FAM107B: variants seen among roughly 807,000 people sequenced by gnomAD.
FAM107B encodes the protein family with sequence similarity 107 member B.
Under a neutral mutation model 31.5 loss-of-function variants are expected in FAM107B, and 21 were observed. The observed-to-expected ratio is 0.67, with a 90% CI of 0.47 to 0.96. FAM107B has a LOEUF of 0.96. FAM107B is among the 40% of genes least tolerant of loss of function. The pLI, the probability that FAM107B is intolerant of heterozygous loss-of-function variation, is 0.00. For missense variants in FAM107B, 452 were observed against 377.1 expected, an observed-to-expected ratio of 1.20 and a Z score of -1.64; for synonymous variants, 157 against 141.5, an observed-to-expected ratio of 1.11 and a Z score of -0.78.
At chr10:14,649,085 C>T (rs1442334464) in intron 2 of FAM107B, among the ~76,000 whole-genome samples, 3 of 152,206 alleles carry the variant, frequency 2.0e-5, no homozygotes, top group Non-Finnish European at 4.4e-5. Context: ...CTAAAATAAG[C>T]ACACCAGTTC....
At chr10:14,604,243 G>C (rs1373959694) in intron 2 of FAM107B, 3 of 979,542 alleles carry the variant, frequency 3.1e-6, no homozygotes, top group Non-Finnish European at 3.6e-6. Flanking sequence ...AACCTACCTC[G>C]GCGCGCGCAC....
At chr10:14,568,507 G>C (rs1309331688) in intron 2 of FAM107B, among the ~76,000 whole-genome samples, 1 of 150,330 alleles carries the variant, frequency 6.7e-6, no homozygotes, top group Non-Finnish European at 1.5e-5. Context: ...ACTCAGGTAA[G>C]AGGAGGCTGG....
At chr10:14,563,006 G>C (rs1444964571) in intron 2 of FAM107B, among the ~76,000 whole-genome samples, 1 of 152,174 alleles carries the variant, frequency 6.6e-6, no homozygotes, top group Non-Finnish European at 1.5e-5. Context: ...AACTTTTCTT[G>C]AACAAGTCAA....
chr10:14,523,519 C>G (rs749677020), intron 3 of FAM107B, among the ~76,000 whole-genome samples: 3 of 152,246 alleles, frequency 2.0e-5, no homozygotes, highest in Non-Finnish European at 2.9e-5. Flanking sequence ...ACCTCCCACA[C>G]ACCTCCTGGT....
intron 3 of FAM107B, among the ~76,000 whole-genome samples, chr10:14,526,717 T>C (rs1005624065): frequency 6.6e-6 from 1 of 152,210 alleles, no homozygotes; most frequent in African/African-American, 2.4e-5. Flanking sequence ...AGCCACTGAC[T>C]TCAAAATATA....
intron 1 of FAM107B, among the ~76,000 whole-genome samples, chr10:14,763,831 G>T (rs1833107387): frequency 6.6e-6 from 1 of 152,198 alleles, no homozygotes; most frequent in Non-Finnish European, 1.5e-5. Flanking sequence ...ACTGTTTAGG[G>T]GTATACAGAT....
intron 2 of FAM107B, among the ~76,000 whole-genome samples, chr10:14,619,700 G>T (rs1475781504): frequency 1.3e-5 from 1 of 77,928 alleles, no homozygotes; most frequent in Admixed American, 2.0e-4. Context: ...TTGTGTTTGT[G>T]TCCTAGCTAA....
intron 2 of FAM107B, among the ~76,000 whole-genome samples, chr10:14,621,704 G>A (rs912299676): frequency 6.6e-6 from 1 of 152,236 alleles, no homozygotes; most frequent in Non-Finnish European, 1.5e-5. Flanking sequence ...AAGAGAGGAA[G>A]GAGCATAAAC....
At chr10:14,595,794 C>T (rs939563165) in intron 2 of FAM107B, among the ~76,000 whole-genome samples, 6 of 152,180 alleles carry the variant, frequency 3.9e-5, no homozygotes, top group African/African-American at 1.4e-4. Context: ...CACCCAAAGG[C>T]TGAGGCCAAA....
chr10:14,553,495 A>G, intron 2 of FAM107B: 3 of 521,684 alleles, frequency 5.8e-6, no homozygotes, highest in South Asian at 5.4e-5. Flanking sequence ...CCACACCCTT[A>G]GCTCAAATTA....
At chr10:14,753,872 T>C (rs1832877280) in intron 1 of FAM107B, among the ~76,000 whole-genome samples, 2 of 150,194 alleles carry the variant, frequency 1.3e-5, no homozygotes, top group Admixed American at 1.3e-4. Flanking sequence ...TAACAAATAC[T>C]ATGGCTAAAA....
chr10:14,629,439 AT>A (rs1853282311), intron 2 of FAM107B, among the ~76,000 whole-genome samples: 1 of 6,230 alleles, frequency 1.6e-4, no homozygotes, highest in Admixed American at 1.5e-3. Context: ...TATATATTAT[AT>A]ATATATTATA....
intron 1 of FAM107B, among the ~76,000 whole-genome samples, chr10:14,726,057 G>C (rs146518820): frequency 6.6e-6 from 1 of 151,472 alleles, no homozygotes; most frequent in African/African-American, 2.4e-5. Flanking sequence ...GCAATGGCGC[G>C]ATCTCAGCTC....
intron 1 of FAM107B, among the ~76,000 whole-genome samples, chr10:14,759,429 G>T (rs1169844354): frequency 6.6e-6 from 1 of 152,056 alleles, no homozygotes; most frequent in East Asian, 1.9e-4. Context: ...ACCCATTTCT[G>T]GTCTGGTGCC....
chr10:14,570,724 C>G (rs113856564), intron 2 of FAM107B, among the ~76,000 whole-genome samples: 1 of 151,938 alleles, frequency 6.6e-6, no homozygotes, highest in African/African-American at 2.4e-5. Context: ...ATCGCTTGAA[C>G]CTGGGAGGCA....
intron 1 of FAM107B, among the ~76,000 whole-genome samples, chr10:14,732,012 C>A (rs944687887): frequency 3.9e-5 from 6 of 152,322 alleles, no homozygotes; most frequent in African/African-American, 9.6e-5. Context: ...TCTGAGATGA[C>A]CGAACATCTG....
At chr10:14,658,511 T>C (rs181640654) in intron 2 of FAM107B, among the ~76,000 whole-genome samples, 233 of 152,360 alleles carry the variant, frequency 1.5e-3, no homozygotes, top group African/African-American at 5.4e-3. Context: ...AAAAGTCACG[T>C]TGTAAACCAG....
chr10:14,717,490 G>A (rs571306732), intron 1 of FAM107B, among the ~76,000 whole-genome samples: 1 of 152,310 alleles, frequency 6.6e-6, no homozygotes, highest in South Asian at 2.1e-4. Flanking sequence ...GAGCCCCTGG[G>A]AGGCCACTGG....
intron 2 of FAM107B, among the ~76,000 whole-genome samples, chr10:14,552,303 T>C (rs1424063506): frequency 6.6e-6 from 1 of 152,098 alleles, no homozygotes; most frequent in Non-Finnish European, 1.5e-5. Flanking sequence ...CACTCAATGG[T>C]GATGGAAATA....
Sources: allele counts gnomAD v4.1 joint callset (sites outside exome capture counted in the v4.1 genomes callset), GRCh38; gene constraint gnomAD v4.1.1; transcripts MANE v1.5; gene names NCBI Gene and HGNC (gene_info 2026-07-23, HGNC 2026-07-21).